Variants in FRS3 observed in about 807,000 individuals in gnomAD.
FRS3 encodes the protein FGFR substrate 3.
In FRS3, 17 loss-of-function variants were observed where a neutral mutation model predicts 41.9. The ratio of observed to expected loss-of-function variants is 0.41; its 90% CI spans 0.28 to 0.61. The LOEUF (loss-of-function observed/expected upper bound fraction) is 0.61, where lower values mean the gene tolerates loss of function less well. FRS3 is among the 20% of genes least tolerant of loss of function. The probability of loss-of-function intolerance (pLI) is 0.36; values close to 1 mark genes in which losing one functional copy is unlikely to be tolerated. For missense variants in FRS3, 619 were observed against 672.1 expected (o/e 0.92, Z 0.87); for synonymous variants, 287 against 274.5 (o/e 1.05, Z -0.45).
Position 41,770,829 on chromosome 6 carries a change from C to G in FRS3, c.1269G>C (p.Lys423Asn), listed in dbSNP as rs1772268251. ...CCTTAGGGCGGTCTCCACCCCAGCC[C>G]TTTAGCTCCACCTGGATGTAGTTAA... ...RQLNYIQVEL[K>N]GWGGDRPKGP... Residue 423 changes from lysine (K) to asparagine (N), a missense_variant, in exon 7 of 7, where the codon AAG (lysine) becomes AAC (asparagine). Coordinates refer to ENST00000373018, the MANE Select transcript of FRS3 (RefSeq NM_006653.5). 6.2e-7 allele frequency: 1 copy of G among 1,610,510 alleles called. No individual in the cohort carries two copies. Among genetic ancestry groups the G allele is most frequent in the Admixed American group, 1.7e-5 (1 of 60,018 alleles).
Position 41,775,418 on chromosome 6 carries a change from C to A in FRS3, c.253+1G>T. 1 of 1,608,942 alleles carries A rather than the reference C, an allele frequency of 6.2e-7. No individual in the cohort carries two copies. The highest frequency in any genetic ancestry group is 8.5e-7 in the Non-Finnish European group (1 of 1,178,576). On this transcript the variant is annotated splice_donor_variant, in intron 4 of 6. Coordinates refer to ENST00000373018, the MANE Select transcript of FRS3 (RefSeq NM_006653.5). LOFTEE classifies it high-confidence loss of function. Reference sequence around the variant, plus strand: ...AGGGTGGAGCAGGGCCTGGTACTCACCCTGGCCTGTCTGACATCGGCGGCC... The same window carrying A: ...AGGGTGGAGCAGGGCCTGGTACTCAACCTGGCCTGTCTGACATCGGCGGCC...
Position 41,775,574 on chromosome 6 carries a change from A to C in FRS3, c.98T>G (p.Leu33Arg), listed in dbSNP as rs1458885223. Residue 33 changes from leucine to arginine, a missense_variant, in exon 4 of 7, where the codon CTG becomes CGG. By Grantham distance (102) the Leu-to-Arg change is moderately radical (BLOSUM62 -2). This residue lies in a region of FRS3 where 100 missense variants were observed against 138.1 expected (regional missense o/e 0.72). Coordinates refer to ENST00000373018, the MANE Select transcript of FRS3 (RefSeq NM_006653.5). ...CGTCAGCTCCATCACCCCAGAGCCC[A>C]GCTCCACCCCCTCATCATCCACATT... ...VTNVDDEGVE[L>R]GSGVMELTQS... 6.2e-7 allele frequency: 1 copy of C among 1,614,044 alleles called. No homozygotes were observed. The highest frequency in any genetic ancestry group is 1.1e-5 in the South Asian group (1 of 91,078).
In FRS3 at chr6:41,772,838, G is replaced by C. The variant is rs202019125; in HGVS notation, c.375C>G (p.Pro125=). 8 of 1,613,534 alleles carry C rather than the reference G, an allele frequency of 5.0e-6. No individual in the cohort carries two copies. Among genetic ancestry groups the C allele is most frequent in the Non-Finnish European group, 6.8e-6 (8 of 1,179,912 alleles). ...GGGCTCGAGGGAGGTCAAGCTCAGC[G>C]GGGTGGCTATTGCGGGTGATGATGA... is the stretch of plus-strand genomic sequence containing the variant. ...EPVIITRNSH[P]AELDLPRAPQ... is the part of the protein sequence containing the mutation. Residue 125 remains proline (P), a synonymous_variant, in exon 5 of 7, where the codon CCC becomes CCG. Transcript: ENST00000373018.
In FRS3 at chr6:41,771,919, T is replaced by C; in HGVS notation, c.461A>G (p.Glu154Gly). Residue 154 changes from glutamate to glycine, a missense_variant, in exon 6 of 7, where the codon GAG (glutamate) becomes GGG (glycine). Coordinates refer to ENST00000373018, the MANE Select transcript of FRS3 (RefSeq NM_006653.5). Reference sequence around the variant, plus strand: ...CCGGGGAGCTGAGAATCGTGGGCCCTCTCCAGGGCAGCCATTGGAAAAGCT... The same window carrying C: ...CCGGGGAGCTGAGAATCGTGGGCCCCCTCCAGGGCAGCCATTGGAAAAGCT... ...VSSFSNGCPG[E>G]GPRFSAPRRL... The C allele has an allele frequency of 6.4e-7, 1 of 1,559,722 alleles. No individual in the cohort carries two copies. Among genetic ancestry groups the C allele is most frequent in the Non-Finnish European group, 8.7e-7 (1 of 1,151,708 alleles).
rs1176274755 is a variant in FRS3, at chr6:41,770,293, CAAAA to C, written c.*322_*325del. 4 of 305,300 alleles carry C rather than the reference CAAAA, an allele frequency of 1.3e-5. No homozygotes were observed. The highest frequency in any genetic ancestry group is 8.7e-5 in the African/African-American group (4 of 46,200). 18.9% of individuals were successfully genotyped at this position (305,300 alleles called of 1,614,324 possible). A position where few individuals can be genotyped will look rare whatever the true frequency, so the allele number is the denominator to read the frequency against. On this transcript the variant is annotated 3_prime_UTR_variant, in exon 7 of 7. Coordinates refer to ENST00000373018, the MANE Select transcript of FRS3 (RefSeq NM_006653.5). ...GTACAAAATGTTTCAAAATTCCAAC[CAAAA>C]AAAACACACACGGACAGTCGGCAGA... is the stretch of plus-strand genomic sequence containing the variant.
chr6:41,776,934 G>A lies in FRS3; in HGVS notation c.54C>T (p.Pro18=), dbSNP rs773626713. The change falls in exon 3 of 7, where the codon CCC becomes CCT. Residue 18 remains proline (P), a synonymous_variant. Transcript: ENST00000373018. ...GGGCTCTGGGTACCTTGAACTTGGTGGGGTGGTTGTCTGGAACGCTGTCTC... is the reference window on the plus strand; with the variant it reads ...GGGCTCTGGGTACCTTGAACTTGGTAGGGTGGTTGTCTGGAACGCTGTCTC... ...LNRDSVPDNH[P]TKFKVTNVDD... 3 of 1,613,892 alleles carry A rather than the reference G, an allele frequency of 1.9e-6. No homozygotes were observed. Among genetic ancestry groups the A allele is most frequent in the Admixed American group, 1.7e-5 (1 of 60,024 alleles).
chr6:41,772,117 C>A (rs762518668), intron 5 of FRS3, among the ~76,000 whole-genome samples, 153 bp from the exon 6 acceptor site: 1 of 152,188 alleles, frequency 6.6e-6, no homozygotes, highest in Non-Finnish European at 1.5e-5. Flanking sequence ...CACCAGCCCC[C>A]CATTATCCTT....
At position 41,771,512 on chromosome 6, in the gene FRS3, G is replaced by A. The variant is rs1226610257; in HGVS notation, c.586C>T (p.Pro196Ser). Residue 196 changes from proline to serine, a missense_variant, in exon 7 of 7, where the codon CCG becomes TCG. Transcript: ENST00000373018. Reference sequence around the variant, plus strand: ...CTGCGGTGGTCATCTTCACTGGCCGGTGTGTTGACATAGGTGTGGGACTGG... The same window carrying A: ...CTGCGGTGGTCATCTTCACTGGCCGATGTGTTGACATAGGTGTGGGACTGG... The part of the protein sequence containing the change: ...DEQSHTYVNT[P>S]ASEDDHRRGR... 1.3e-6 allele frequency: 2 copies of A among 1,548,926 alleles called. No individual in the cohort carries two copies. The highest frequency in any genetic ancestry group is 4.5e-5 in the East Asian group (2 of 44,292).
rs1282716785 is a variant in FRS3 at position 41,771,037 on chromosome 6, G to GT, written c.1060dup (p.Thr354AsnfsTer9). ...ATCAGGGAAGCCATTGGAAGAGGGT[G>GT]TGAGCCCATCCCTCGAGTCCCCATC... On this transcript the variant is annotated frameshift_variant, in exon 7 of 7. Transcript: ENST00000373018. LOFTEE classifies it high-confidence loss of function. 1 of 1,612,136 alleles carries GT rather than the reference G, an allele frequency of 6.2e-7. No individual in the cohort carries two copies. Among genetic ancestry groups the GT allele is most frequent in the Admixed American group, 1.7e-5 (1 of 59,978 alleles).
rs774186581 is a variant in FRS3 at position 41,771,216 on chromosome 6, C to T, written c.882G>A (p.Leu294=). The T allele has an allele frequency of 2.6e-6, 4 of 1,568,516 alleles. No homozygotes were observed. The African/African-American group carries it at 4.1e-5, about 16-fold the overall frequency. ...TCAGTCTCCAGCCAGCCCCTCGCCA[C>T]AGCCCCCCGGTGACGTTCTCGTAGG... ...KCTYENVTGG[L]WRGAGWRLSP... Residue 294 remains leucine (L), a synonymous_variant, in exon 7 of 7, where the codon CTG becomes CTA. Coordinates refer to ENST00000373018, the MANE Select transcript of FRS3 (RefSeq NM_006653.5).
intron 3 of FRS3, among the ~76,000 whole-genome samples, 174 bp from the exon 4 acceptor site, chr6:41,775,779 C>A (rs1041625040): frequency 2.0e-5 from 3 of 152,192 alleles, no homozygotes; most frequent in African/African-American, 7.2e-5. Flanking sequence ...GTGCCATGGA[C>A]CCACGGCAGT....
intron 4 of FRS3, 50 bp from the exon 5 acceptor site, chr6:41,773,009 G>A (rs1212921403): frequency 6.6e-7 from 1 of 1,514,290 alleles, no homozygotes; most frequent in Admixed American, 1.7e-5. Context: ...AAGGACCAGA[G>A]GAGCTCAACA....
chr6:41,775,109 T>C (rs905765956), intron 4 of FRS3, among the ~76,000 whole-genome samples: 1 of 152,232 alleles, frequency 6.6e-6, no homozygotes, highest in Non-Finnish European at 1.5e-5. Flanking sequence ...ATTCCACCTC[T>C]GCACAGCCAT....
chr6:41,770,538 G>C lies in FRS3; in HGVS notation c.*81C>G, dbSNP rs914148461. ...TCTGCAAAGCAACCCTGAACCCTGG[G>C]GAGGGTGGGTTCAGAGGACAGGAGT... On this transcript the variant is annotated 3_prime_UTR_variant, in exon 7 of 7. Coordinates refer to ENST00000373018, the MANE Select transcript of FRS3 (RefSeq NM_006653.5). 4.3e-6 allele frequency: 6 copies of C among 1,405,364 alleles called. No individual in the cohort carries two copies. Among genetic ancestry groups the C allele is most frequent in the East Asian group, 2.3e-5 (1 of 43,878 alleles). The allele number at this position is 1,405,364 out of a possible 1,614,324, so 87.1% of individuals were successfully genotyped here.
intron 5 of FRS3, 52 bp downstream of exon 5, chr6:41,772,746 G>GTGTGTGTGTGTA: frequency 1.7e-6 from 1 of 583,108 alleles, no homozygotes; most frequent in Non-Finnish European, 2.3e-6. Context: ...CTTCCTGGGC[G>GTGTGTGTGTGTA]TGTGTGTGTG....
intron 6 of FRS3, 139 bp downstream of exon 6, chr6:41,771,677 C>A: frequency 8.6e-7 from 1 of 1,165,128 alleles, no homozygotes; most frequent in South Asian, 1.5e-5. Context: ...GAGGAAGCTG[C>A]TCCCTTTTGG....
At chr6:41,777,834 G>C (rs940274853) in intron 2 of FRS3, 199 bp downstream of exon 2, 3 of 152,234 alleles carry the variant, frequency 2.0e-5, no homozygotes, top group Non-Finnish European at 4.4e-5. Context: ...TGACCTAAGG[G>C]AACAAGAAAT....
chr6:41,773,113 C>CT (rs1045415203), intron 4 of FRS3, among the ~76,000 whole-genome samples, 154 bp from the exon 5 acceptor site: 1 of 151,972 alleles, frequency 6.6e-6, no homozygotes, highest in African/African-American at 2.4e-5. Flanking sequence ...TTTTTCTTTT[C>CT]TTTTTTGAGA....
chr6:41,771,702 C>T lies in FRS3; in HGVS notation c.564+114G>A, dbSNP rs545948718. The T allele has an allele frequency of 1.1e-3, 1,362 of 1,261,126 alleles. 2 individuals carry two copies. The highest frequency in any genetic ancestry group is 1.4e-3 in the Admixed American group (64 of 44,554). 78.1% of individuals were successfully genotyped at this position (1,261,126 alleles called of 1,614,324 possible). On this transcript the variant is annotated intron_variant, in intron 6 of 6. Coordinates refer to ENST00000373018, the MANE Select transcript of FRS3 (RefSeq NM_006653.5). ...CTCCCTTTTGGGGACAGGAAGGGAC[C>T]GTTACAATGTTCTTCCCCTTCCCGT...
Sources: allele counts gnomAD v4.1 joint callset (sites outside exome capture counted in the v4.1 genomes callset), GRCh38; gene constraint gnomAD v4.1.1; regional missense constraint gnomAD v4.1.1; transcripts MANE v1.5; gene names NCBI Gene and HGNC (gene_info 2026-07-23, HGNC 2026-07-21).